Variants in MAGI1 observed in about 807,000 individuals in gnomAD.
MAGI1 encodes membrane associated guanylate kinase, WW and PDZ domain containing 1, also known as membrane-associated guanylate kinase, WW and PDZ domain-containing protein 1.
A neutral mutation model predicts 139.9 loss-of-function variants in MAGI1; 58 were observed. The ratio of observed to expected loss-of-function variants is 0.41; its 90% CI spans 0.34 to 0.52. The LOEUF (loss-of-function observed/expected upper bound fraction) is 0.52. MAGI1 is among the 20% of genes least tolerant of loss of function. MAGI1 has a pLI of 0.12. For missense variants in MAGI1, 1,874 were observed against 1,901.6 expected, an observed-to-expected ratio of 0.99 and a Z score of 0.27; for synonymous variants, 812 against 737.9, an observed-to-expected ratio of 1.10 and a Z score of -1.63.
intron 2 of MAGI1, among the ~76,000 whole-genome samples, chr3:65,585,582 G>T (rs549587076): frequency 1.3e-5 from 2 of 152,154 alleles, no homozygotes; most frequent in African/African-American, 4.8e-5. Context: ...ATGAAAAATG[G>T]TACAGCCACT....
chr3:65,863,336 G>A (rs1307854244), intron 1 of MAGI1, among the ~76,000 whole-genome samples: 1 of 152,140 alleles, frequency 6.6e-6, no homozygotes, highest in African/African-American at 2.4e-5. Flanking sequence ...TCACACTACT[G>A]AGGACTTCTG....
chr3:65,813,176 T>C (rs1392955752), intron 1 of MAGI1, among the ~76,000 whole-genome samples: 6 of 152,138 alleles, frequency 3.9e-5, no homozygotes, highest in Non-Finnish European at 8.8e-5. Flanking sequence ...TTTGCACATA[T>C]ACCTGAACTG....
At chr3:65,600,480 C>G (rs2082427128) in intron 2 of MAGI1, among the ~76,000 whole-genome samples, 1 of 152,186 alleles carries the variant, frequency 6.6e-6, no homozygotes, top group Non-Finnish European at 1.5e-5. Context: ...GGTGTAGTAT[C>G]TTGACACACT....
chr3:65,677,412 A>T (rs1365163940), intron 1 of MAGI1, among the ~76,000 whole-genome samples: 2 of 152,200 alleles, frequency 1.3e-5, no homozygotes, highest in African/African-American at 4.8e-5. Flanking sequence ...GAGCACAGTC[A>T]TATCGAAGAC....
intron 1 of MAGI1, among the ~76,000 whole-genome samples, chr3:66,005,408 C>G (rs1242029859): frequency 6.6e-6 from 1 of 152,164 alleles, no homozygotes; most frequent in East Asian, 1.9e-4. Flanking sequence ...AATAGGCCCA[C>G]CTTTCAGACT....
chr3:66,021,171 G>T (rs2067939788), intron 1 of MAGI1, among the ~76,000 whole-genome samples: 1 of 152,170 alleles, frequency 6.6e-6, no homozygotes, highest in Non-Finnish European at 1.5e-5. Flanking sequence ...CTGTGTGTCA[G>T]TACAATGTAA....
At chr3:65,849,399 T>C (rs2059126532) in intron 1 of MAGI1, among the ~76,000 whole-genome samples, 1 of 151,662 alleles carries the variant, frequency 6.6e-6, no homozygotes, top group African/African-American at 2.4e-5. Context: ...ATGACAGTGA[T>C]GAGCACAGTC....
chr3:66,032,926 AAAAAAAAAC>A (rs1559513280), intron 1 of MAGI1, among the ~76,000 whole-genome samples: 1 of 150,238 alleles, frequency 6.7e-6, no homozygotes, highest in African/African-American at 2.5e-5. Flanking sequence ...AAAAAAAAAA[AAAAAAAAAC>A]AACAACAACA....
At chr3:65,909,002 AC>A in intron 1 of MAGI1, among the ~76,000 whole-genome samples, 1 of 152,272 alleles carries the variant, frequency 6.6e-6, no homozygotes, top group Non-Finnish European at 1.5e-5. Flanking sequence ...TGATCAAATA[AC>A]CCATTTTCTA....
chr3:65,590,229 A>G (rs2106733578), intron 2 of MAGI1, among the ~76,000 whole-genome samples: 1 of 152,252 alleles, frequency 6.6e-6, no homozygotes, highest in South Asian at 2.1e-4. Flanking sequence ...TGACGGTGGG[A>G]TGTCATTGGC....
chr3:65,620,112 G>A (rs2083587590), intron 2 of MAGI1: 2 of 319,490 alleles, frequency 6.3e-6, no homozygotes, highest in Admixed American at 1.3e-4. Flanking sequence ...ATGTAACCAT[G>A]GTAACACCAC....
chr3:65,920,917 T>C (rs2062147144), intron 1 of MAGI1, among the ~76,000 whole-genome samples: 1 of 151,842 alleles, frequency 6.6e-6, no homozygotes, highest in Non-Finnish European at 1.5e-5. Flanking sequence ...TAATCCCAGC[T>C]ACTCAGGAGG....
At chr3:65,651,405 C>T (rs760858698) in intron 1 of MAGI1, among the ~76,000 whole-genome samples, 12 of 152,172 alleles carry the variant, frequency 7.9e-5, no homozygotes, top group African/African-American at 1.2e-4. Context: ...CCATGCAAGT[C>T]CAAATCTTTG....
At chr3:65,561,545 C>T (rs1265821606) in intron 2 of MAGI1, among the ~76,000 whole-genome samples, 1 of 152,108 alleles carries the variant, frequency 6.6e-6, no homozygotes, top group Non-Finnish European at 1.5e-5. Flanking sequence ...CCTGAAAATA[C>T]AAGAGACATG....
intron 1 of MAGI1, among the ~76,000 whole-genome samples, chr3:65,862,172 A>G (rs1045316246): frequency 6.6e-6 from 1 of 152,170 alleles, no homozygotes; most frequent in Non-Finnish European, 1.5e-5. Context: ...CATTCATTAG[A>G]GGTTAAGAGC....
chr3:65,446,071 A>G (rs2107458334), intron 7 of MAGI1, among the ~76,000 whole-genome samples: 1 of 152,294 alleles, frequency 6.6e-6, no homozygotes, highest in South Asian at 2.1e-4. Context: ...CCCTTCCTAC[A>G]AGAACACATT....
intron 1 of MAGI1, among the ~76,000 whole-genome samples, chr3:65,657,448 A>AC (rs1491437792): frequency 9.4e-5 from 14 of 148,634 alleles, no homozygotes; most frequent in African/African-American, 3.2e-4. Flanking sequence ...AAAAAAAAAA[A>AC]ACACATAAAT....
chr3:65,423,151 T>G (rs1042474297), intron 12 of MAGI1, among the ~76,000 whole-genome samples: 6 of 152,150 alleles, frequency 3.9e-5, no homozygotes, highest in Admixed American at 1.3e-4. Context: ...AAGATATCAC[T>G]CTATACACAA....
chr3:65,456,864 C>T (rs1206310149), intron 5 of MAGI1, among the ~76,000 whole-genome samples: 2 of 152,134 alleles, frequency 1.3e-5, no homozygotes, highest in Non-Finnish European at 2.9e-5. Context: ...CTGGTTCTGC[C>T]TTCTGTCCCA....
Sources: gnomAD v4.1 joint callset for allele counts (sites outside exome capture counted in the v4.1 genomes callset) on GRCh38, gnomAD v4.1.1 for gene constraint, MANE v1.5 for transcripts, NCBI Gene and HGNC (gene_info 2026-07-23, HGNC 2026-07-21) for gene names.